The following RABL3 variants were observed in gnomAD, a reference collection of about 807,000 sequenced individuals.
RABL3 encodes the protein rab-like protein 3.
Under a neutral mutation model 31.8 loss-of-function variants are expected in RABL3, and 31 were observed. The observed-to-expected ratio is 0.97, with a 90% CI of 0.73 to 1.31. The LOEUF is 1.31. RABL3 is among the 40% of genes most tolerant of loss of function. The pLI is 0.00. For synonymous variants in RABL3, 97 were observed against 99.9 expected, an observed-to-expected ratio of 0.97 and a Z score of 0.18; for missense variants, 263 against 279.6, an observed-to-expected ratio of 0.94 and a Z score of 0.42.
At chr3:120,731,579 T>C (rs1708883510) in intron 1 of RABL3, among the ~76,000 whole-genome samples, 1 of 152,210 alleles carries the variant, frequency 6.6e-6, no homozygotes, top group African/African-American at 2.4e-5. Context: ...TCTACATCCA[T>C]GTGTGGAGTC....
At chr3:120,713,303 C>A (rs1366687860) in intron 2 of RABL3, among the ~76,000 whole-genome samples, 1 of 152,220 alleles carries the variant, frequency 6.6e-6, no homozygotes, top group Non-Finnish European at 1.5e-5. Flanking sequence ...AAGGTGTCTT[C>A]TTTCCTTTCC....
chr3:120,697,539 G>C (rs1367695333), intron 5 of RABL3, among the ~76,000 whole-genome samples: 1 of 152,238 alleles, frequency 6.6e-6, no homozygotes, highest in Admixed American at 6.5e-5. Flanking sequence ...GACCATGACT[G>C]AAATTGCTGG....
intron 2 of RABL3, among the ~76,000 whole-genome samples, chr3:120,730,029 T>C (rs1708863935): frequency 6.6e-6 from 1 of 151,834 alleles, no homozygotes. Context: ...AAAGAAATAA[T>C]AATTAGTCTT....
At chr3:120,696,592 AACAC>A (rs3037698) in intron 5 of RABL3, among the ~76,000 whole-genome samples, 6,276 of 147,380 alleles carry the variant, frequency 0.043, 223 homozygotes, top group Admixed American at 0.13. Flanking sequence ...AAGTAGGAAT[AACAC>A]ACACACACAC....
At chr3:120,742,356 C>A in intron 1 of RABL3, 106 bp downstream of exon 1, 1 of 1,074,038 alleles carries the variant, frequency 9.3e-7, no homozygotes, top group Non-Finnish European at 1.4e-6. Context: ...GGAGGGACTT[C>A]AGCCACGGGC....
intron 6 of RABL3, 41 bp downstream of exon 6, chr3:120,694,112 A>G (rs1282505277): frequency 2.2e-6 from 3 of 1,340,874 alleles, no homozygotes; most frequent in Non-Finnish European, 3.1e-6. Flanking sequence ...CTCTCATAAT[A>G]TATAAATTAA....
intron 2 of RABL3, among the ~76,000 whole-genome samples, chr3:120,723,037 T>G (rs1481365047): frequency 2.0e-5 from 3 of 151,810 alleles, no homozygotes; most frequent in Non-Finnish European, 4.4e-5. Context: ...TCAACAAAAT[T>G]GATAGACCGC....
chr3:120,721,349 T>C (rs116001197), intron 2 of RABL3, among the ~76,000 whole-genome samples: 34,798 of 152,092 alleles, frequency 0.23, 4,701 homozygotes, highest in Non-Finnish European at 0.3. Flanking sequence ...TAACCTTAAA[T>C]TGTAAGTGGG....
intron 1 of RABL3, chr3:120,738,593 G>C (rs979666284): frequency 6.5e-6 from 1 of 152,752 alleles, no homozygotes; most frequent in African/African-American, 2.4e-5. Flanking sequence ...GACTGGAGCT[G>C]TTCCTAATTG....
intron 2 of RABL3, among the ~76,000 whole-genome samples, chr3:120,721,633 C>T (rs1708742913): frequency 3.3e-5 from 5 of 152,192 alleles, no homozygotes; most frequent in Admixed American, 6.5e-5. Context: ...GCTAACTATC[C>T]TAAACATATA....
intron 4 of RABL3, among the ~76,000 whole-genome samples, chr3:120,704,924 G>T (rs375216217): frequency 1.3e-5 from 2 of 152,226 alleles, no homozygotes; most frequent in East Asian, 1.9e-4. Flanking sequence ...TACTTGGGAG[G>T]CCGAGGCACA....
At chr3:120,707,761 G>T (rs1275070478) in intron 3 of RABL3, among the ~76,000 whole-genome samples, 1 of 152,108 alleles carries the variant, frequency 6.6e-6, no homozygotes, top group Non-Finnish European at 1.5e-5. Flanking sequence ...AGATGGACAG[G>T]GAAGACTTTA....
intron 2 of RABL3, among the ~76,000 whole-genome samples, chr3:120,725,569 T>C (rs543680351): frequency 4.6e-5 from 7 of 151,830 alleles, no homozygotes; most frequent in Non-Finnish European, 7.4e-5. Context: ...AATGGTAGAG[T>C]GGATTAAGAA....
chr3:120,726,398 C>A (rs2107592859), intron 2 of RABL3, among the ~76,000 whole-genome samples: 1 of 152,174 alleles, frequency 6.6e-6, no homozygotes, highest in East Asian at 1.9e-4. Context: ...GCCAAGGTTG[C>A]AGGATTGCTT....
intron 2 of RABL3, among the ~76,000 whole-genome samples, chr3:120,725,765 G>A (rs998139350): frequency 2.6e-5 from 4 of 152,132 alleles, no homozygotes; most frequent in African/African-American, 9.7e-5. Context: ...CATGGACACA[G>A]GAAGGCGAAC....
intron 1 of RABL3, among the ~76,000 whole-genome samples, chr3:120,734,112 A>G (rs1576348302): frequency 6.6e-6 from 1 of 152,202 alleles, no homozygotes; most frequent in East Asian, 1.9e-4. Flanking sequence ...TGGGGATGGC[A>G]TTGAATCTAT....
In RABL3 at chr3:120,706,098, G is replaced by A. The variant is rs140930122; in HGVS notation, c.285C>T (p.His95=). 522 of 1,608,190 alleles carry A rather than the reference G, an allele frequency of 3.2e-4. 2 individuals are homozygous for A. Among genetic ancestry groups the A allele is most frequent in the South Asian group, 1.6e-3 (146 of 90,922 alleles). Reference sequence around the variant, plus strand: ...GGGAGGACTTCTTATTTGTTAAGTCGTGTACGAAAATAATACCTAAAATAA... The same window carrying A: ...GGGAGGACTTCTTATTTGTTAAGTCATGTACGAAAATAATACCTAAAATAA... ...YNSVNGIIFV[H]DLTNKKSSQN... The change falls in exon 4 of 8, where the codon CAC becomes CAT. Residue 95 remains histidine (H), a synonymous_variant. Transcript: ENST00000273375.
intron 2 of RABL3, among the ~76,000 whole-genome samples, chr3:120,714,159 T>TA (rs1415671719): frequency 6.6e-6 from 1 of 152,202 alleles, no homozygotes; most frequent in Non-Finnish European, 1.5e-5. Context: ...AAAAAAATGA[T>TA]ACACATCAAG....
At chr3:120,728,364 G>A (rs890956597) in intron 2 of RABL3, among the ~76,000 whole-genome samples, 3 of 152,132 alleles carry the variant, frequency 2.0e-5, no homozygotes, top group African/African-American at 7.2e-5. Flanking sequence ...AAACTGATTA[G>A]TCTAAGGTCA....
Sources: gnomAD v4.1 joint callset for allele counts (sites outside exome capture counted in the v4.1 genomes callset) on GRCh38, gnomAD v4.1.1 for gene constraint, MANE v1.5 for transcripts, NCBI Gene and HGNC (gene_info 2026-07-23, HGNC 2026-07-21) for gene names.